The following KCMF1 variants were observed in gnomAD, a reference collection of about 807,000 sequenced individuals.
KCMF1 encodes the protein E3 ubiquitin-protein ligase KCMF1.
A neutral mutation model predicts 41.1 loss-of-function variants in KCMF1; 3 were observed. That is an observed-to-expected ratio of 0.07 (90% CI 0.03 to 0.19). The LOEUF is 0.19. Ranked by LOEUF, KCMF1 falls within the 10% of genes least tolerant of loss-of-function variation. KCMF1 has a pLI of 1.00. For synonymous variants in KCMF1, 142 were observed against 164.5 expected, an observed-to-expected ratio of 0.86 and a Z score of 1.04; for missense variants, 286 against 488.9, an observed-to-expected ratio of 0.58 and a Z score of 3.91.
At position 85,057,220 on chromosome 2, in the gene KCMF1, C is replaced by T. The variant is rs980730528; in HGVS notation, c.*3811C>T. Reference sequence around the variant, plus strand: ...TAAAACACTAGGTACGAAATTATCCCAGAATTATACGCGAAAGTTGGTGTT... The same window carrying T: ...TAAAACACTAGGTACGAAATTATCCTAGAATTATACGCGAAAGTTGGTGTT... On this transcript the variant is annotated 3_prime_UTR_variant, in exon 7 of 7. Transcript: ENST00000409785. 6.6e-6 allele frequency: 1 copy of T among 152,004 alleles called. No homozygotes were observed. The highest frequency in any genetic ancestry group is 1.5e-5 in the Non-Finnish European group (1 of 68,026). 9.4% of individuals were successfully genotyped at this position (152,004 alleles called of 1,614,324 possible).
At chr2:84,991,489 A>T (rs529459267) in intron 1 of KCMF1, among the ~76,000 whole-genome samples, 61 of 152,212 alleles carry the variant, frequency 4.0e-4, no homozygotes, top group African/African-American at 1.5e-3. Flanking sequence ...TCTAGTTTAA[A>T]CTTTCTATCA....
At chr2:84,977,495 G>A (rs1451068366) in intron 1 of KCMF1, among the ~76,000 whole-genome samples, 3 of 151,986 alleles carry the variant, frequency 2.0e-5, no homozygotes, top group South Asian at 4.1e-4. Flanking sequence ...AGCATAGCCC[G>A]CTGCAGCATT....
intron 1 of KCMF1, 35 bp downstream of exon 1, chr2:84,971,502 G>A: frequency 8.4e-7 from 1 of 1,186,408 alleles, no homozygotes; most frequent in Non-Finnish European, 1.1e-6. Flanking sequence ...CGCACCTCCC[G>A]GGCCTCGGCC....
At chr2:84,999,082 G>A (rs1003973166) in intron 1 of KCMF1, among the ~76,000 whole-genome samples, 1 of 141,902 alleles carries the variant, frequency 7.0e-6, no homozygotes, top group Admixed American at 7.4e-5. Flanking sequence ...GTCTTGCTCT[G>A]TCACCCAGGC....
In KCMF1 at chr2:85,026,492, A is replaced by ATTATTATTTTTT. The variant is rs146823537; in HGVS notation, c.17-1392_17-1391insATTTTTTTTATT. Among the ~76,000 whole-genome samples, 85 of 143,142 alleles carry ATTATTATTTTTT rather than the reference A, an allele frequency of 5.9e-4. 1 individual carries two copies. The highest frequency in any genetic ancestry group is 2.2e-3 in the African/African-American group (81 of 37,536). 93.9% of individuals were successfully genotyped at this position (143,142 alleles called of 152,430 possible). On this transcript the variant is annotated intron_variant, in intron 1 of 6. Transcript: ENST00000409785. ...TATTATTATTATTATTATTATTATT[A>ATTATTATTTTTT]TTATTTTTATTTTTTCCAGACAGGG... is the stretch of plus-strand genomic sequence containing the variant.
intron 1 of KCMF1, among the ~76,000 whole-genome samples, chr2:85,017,607 C>G (rs895988876): frequency 4.3e-5 from 6 of 138,032 alleles, no homozygotes; most frequent in Non-Finnish European, 7.8e-5. Context: ...AAGTCAAAAT[C>G]GGCTGTCAAT....
At chr2:85,008,347 A>G (rs7559176) in intron 1 of KCMF1, among the ~76,000 whole-genome samples, 2 of 7,332 alleles carry the variant, frequency 2.7e-4, no homozygotes, top group Non-Finnish European at 1.1e-3. Context: ...TATGATATAT[A>G]ATATATAATA....
At chr2:84,995,267 A>G (rs1475530413) in intron 1 of KCMF1, among the ~76,000 whole-genome samples, 1 of 152,050 alleles carries the variant, frequency 6.6e-6, no homozygotes, top group Non-Finnish European at 1.5e-5. Flanking sequence ...TGATCCACCC[A>G]CCTTGGCCTC....
intron 3 of KCMF1, among the ~76,000 whole-genome samples, chr2:85,037,644 A>C (rs1329297499): frequency 6.6e-6 from 1 of 152,016 alleles, no homozygotes; most frequent in Non-Finnish European, 1.5e-5. Flanking sequence ...GGTTTAGGGG[A>C]TTATATCTAC....
intron 3 of KCMF1, among the ~76,000 whole-genome samples, chr2:85,039,277 G>T (rs1314682376): frequency 1.3e-5 from 2 of 152,178 alleles, no homozygotes; most frequent in Admixed American, 1.3e-4. Flanking sequence ...TAGGAATGTG[G>T]TTATAAAGAA....
rs1455435211 is a variant in KCMF1 at position 85,027,768 on chromosome 2, G to A, written c.17-121G>A. On this transcript the variant is annotated intron_variant, in intron 1 of 6. Coordinates refer to ENST00000409785, the MANE Select transcript of KCMF1 (RefSeq NM_020122.5). ...AAAACTTCCCGTATCATTTTACTAAGTCATTTCTAGTCATTTTGGAAAGGA... is the reference window on the plus strand; with the variant it reads ...AAAACTTCCCGTATCATTTTACTAAATCATTTCTAGTCATTTTGGAAAGGA... 6.4e-6 allele frequency: 4 copies of A among 621,472 alleles called. No homozygotes were observed. The African/African-American group carries it at 7.4e-5, about 12-fold the overall frequency. The allele number at this position is 621,472 out of a possible 1,614,324, so 38.5% of individuals were successfully genotyped here. A position where few individuals can be genotyped will look rare whatever the true frequency, so the allele number is the denominator to read the frequency against.
At chr2:84,985,510 G>A (rs1038808132) in intron 1 of KCMF1, among the ~76,000 whole-genome samples, 3 of 152,148 alleles carry the variant, frequency 2.0e-5, no homozygotes, top group Non-Finnish European at 4.4e-5. Context: ...TTTGGTGGAA[G>A]GTGAATCTTC....
intron 1 of KCMF1, among the ~76,000 whole-genome samples, chr2:85,014,586 T>C (rs1486959903): frequency 6.6e-6 from 1 of 151,342 alleles, no homozygotes; most frequent in Non-Finnish European, 1.5e-5. Flanking sequence ...AACCAAGCTC[T>C]CTCTGCCTTG....
chr2:84,997,929 C>G (rs1241053428), intron 1 of KCMF1, among the ~76,000 whole-genome samples: 2 of 150,892 alleles, frequency 1.3e-5, no homozygotes, highest in Non-Finnish European at 2.9e-5. Context: ...ATCACCACAC[C>G]CAGCTATTGT....
At chr2:85,021,652 A>G (rs1345459662) in intron 1 of KCMF1, among the ~76,000 whole-genome samples, 1 of 152,068 alleles carries the variant, frequency 6.6e-6, no homozygotes, top group African/African-American at 2.4e-5. Flanking sequence ...TCTGAATGAG[A>G]TAATACTACC....
At chr2:84,992,505 C>T (rs1241502475) in intron 1 of KCMF1, among the ~76,000 whole-genome samples, 1 of 152,180 alleles carries the variant, frequency 6.6e-6, no homozygotes, top group Non-Finnish European at 1.5e-5. Flanking sequence ...AGCCACCGCG[C>T]CTGGCCCGTT....
At chr2:85,016,151 C>T (rs1483291896) in intron 1 of KCMF1, among the ~76,000 whole-genome samples, 3 of 152,216 alleles carry the variant, frequency 2.0e-5, no homozygotes, top group African/African-American at 7.2e-5. Flanking sequence ...GCAAAACCTA[C>T]TTACTAAGCT....
intron 1 of KCMF1, among the ~76,000 whole-genome samples, chr2:84,985,457 C>G (rs1441799484): frequency 1.3e-5 from 2 of 152,214 alleles, no homozygotes; most frequent in Non-Finnish European, 2.9e-5. Flanking sequence ...ACCCCTGTTA[C>G]TCTATTACTC....
intron 4 of KCMF1, among the ~76,000 whole-genome samples, chr2:85,045,713 T>C (rs139041923): frequency 6.6e-6 from 1 of 152,240 alleles, no homozygotes; most frequent in Non-Finnish European, 1.5e-5. Flanking sequence ...AATGCAAATC[T>C]GTTTTCTGCT....
Sources: gnomAD v4.1 joint callset for allele counts (sites outside exome capture counted in the v4.1 genomes callset) on GRCh38, gnomAD v4.1.1 for gene constraint, MANE v1.5 for transcripts, NCBI Gene and HGNC (gene_info 2026-07-23, HGNC 2026-07-21) for gene names.